Variants in ZSCAN18 observed in about 807,000 individuals in gnomAD.
ZSCAN18 encodes the protein zinc finger and SCAN domain-containing protein 18.
In ZSCAN18, 16 loss-of-function variants were observed where a neutral mutation model predicts 31.1. That is an observed-to-expected ratio of 0.51 (90% confidence interval 0.35 to 0.78). The LOEUF (loss-of-function observed/expected upper bound fraction) is 0.78, where lower values mean the gene tolerates loss of function less well. Ranked by LOEUF, ZSCAN18 falls within the 30% of genes least tolerant of loss-of-function variation. ZSCAN18 has a pLI of 0.01. For synonymous variants in ZSCAN18, 375 were observed against 320.7 expected (o/e 1.17, Z -1.81); for missense variants, 731 against 697.4 (o/e 1.05, Z -0.54).
At chr19:58,115,316 A>G (rs2074720996) in intron 1 of ZSCAN18, among the ~76,000 whole-genome samples, 3 of 152,372 alleles carry the variant, frequency 2.0e-5, no homozygotes, top group African/African-American at 7.2e-5. Context: ...CAGGGAGCTT[A>G]CTATTTAAAT....
chr19:58,098,440 G>C (rs2074563802), upstream of ZSCAN18: 1 of 933,792 alleles, frequency 1.1e-6, no homozygotes, highest in Non-Finnish European at 1.3e-6. Context: ...GTAAACAAGC[G>C]GGTAAATAAT....
upstream of ZSCAN18, among the ~76,000 whole-genome samples, chr19:58,102,573 GAC>G (rs887853258): frequency 1.3e-5 from 2 of 152,192 alleles, no homozygotes; most frequent in African/African-American, 4.8e-5. Context: ...AATTATGGCT[GAC>G]ACAGGCTATA....
intron 1 of ZSCAN18, among the ~76,000 whole-genome samples, chr19:58,114,408 T>C (rs184215867): frequency 6.7e-6 from 1 of 149,702 alleles, no homozygotes; most frequent in African/African-American, 2.4e-5. Flanking sequence ...CAAAAGAATG[T>C]CTTTATTCTT....
chr19:58,086,345 C>T lies in ZSCAN18; in HGVS notation c.746-79G>A, dbSNP rs530739773. 25 of 1,345,474 alleles carry T rather than the reference C, an allele frequency of 1.9e-5. 1 individual carries two copies. Among genetic ancestry groups the T allele is most frequent in the Admixed American group, 7.3e-5 (4 of 54,762 alleles). 83.3% of individuals were successfully genotyped at this position (1,345,474 alleles called of 1,614,324 possible). ...TGGGTGTTGTGTGTCGTGGGCCAGC[C>T]AGGGCAGGCTGCAGCCCACCTCCTC... On this transcript the variant is annotated intron_variant, in intron 5 of 6. Coordinates refer to ENST00000601144, the MANE Select transcript of ZSCAN18 (RefSeq NM_001145543.2).
chr19:58,101,185 C>T (rs1015048438), upstream of ZSCAN18, among the ~76,000 whole-genome samples: 2 of 147,212 alleles, frequency 1.4e-5, no homozygotes, highest in African/African-American at 2.6e-5. Context: ...CAGGCTGGAG[C>T]GCAGTGGCGC....
intron 3 of ZSCAN18, 62 bp from the exon 4 acceptor site, chr19:58,087,466 G>T: frequency 6.8e-7 from 1 of 1,480,566 alleles, no homozygotes; most frequent in Non-Finnish European, 9.2e-7. Flanking sequence ...GCCCTCAAGG[G>T]TCAAGGAGCC....
At chr19:58,098,486 AC>A (rs2074564556), upstream of ZSCAN18, 1 of 615,376 alleles carries the variant, frequency 1.6e-6, no homozygotes. Context: ...AGAAACAAAG[AC>A]GGTGAGAAAC....
Position 58,088,817 on chromosome 19 carries a change from C to T in ZSCAN18, c.424G>A (p.Ala142Thr). Reference protein sequence around the residue: ...EEPGMLLGSPAGSSSILSDGV... With the variant: ...EEPGMLLGSPTGSSSILSDGV... ...TCGCTAAGAATTGAGGATGAGCCCG[C>T]AGGGGAGCCCAGCAGCATCCCTGTC... The change falls in exon 3 of 7, where the codon GCG (alanine) becomes ACG (threonine). Residue 142 changes from alanine to threonine, a missense_variant. Physicochemically the swap from Ala to Thr is moderately conservative, Grantham distance 58 (BLOSUM62 0). This residue lies in a region of ZSCAN18 where 46 missense variants were observed against 60.6 expected (regional missense o/e 0.76). Transcript: ENST00000601144. 1 of 1,612,410 alleles carries T rather than the reference C, an allele frequency of 6.2e-7. No individual in the cohort carries two copies. Among genetic ancestry groups the T allele is most frequent in the Non-Finnish European group, 8.5e-7 (1 of 1,179,440 alleles).
intron 2 of ZSCAN18, among the ~76,000 whole-genome samples, chr19:58,089,065 AGGCCGAGGCGGGC>A (rs1176328038): frequency 6.6e-6 from 1 of 152,028 alleles, no homozygotes; most frequent in African/African-American, 2.4e-5. Flanking sequence ...GCACTTTGGG[AGGCCGAGGCGGGC>A]GGATCACGAG....
upstream of ZSCAN18, among the ~76,000 whole-genome samples, chr19:58,099,285 G>A (rs2074572478): frequency 6.6e-6 from 1 of 152,002 alleles, no homozygotes; most frequent in Admixed American, 6.6e-5. Context: ...ATAACCCCAG[G>A]AACAGCTAAT....
upstream of ZSCAN18, chr19:58,098,233 G>C: frequency 2.0e-6 from 2 of 985,496 alleles, no homozygotes; most frequent in Non-Finnish European, 2.4e-6. Context: ...CGCGATGGCG[G>C]CCGGCAAACT....
At chr19:58,117,478 C>T (rs978445693) in intron 1 of ZSCAN18, among the ~76,000 whole-genome samples, 5 of 151,996 alleles carry the variant, frequency 3.3e-5, no homozygotes, top group African/African-American at 4.8e-5. Context: ...ACACACAACC[C>T]TAAAGGGGCA....
In ZSCAN18 at chr19:58,085,352, C is replaced by T. The variant is rs1436665169; in HGVS notation, c.866G>A (p.Gly289Glu). 3.1e-6 allele frequency: 5 copies of T among 1,591,948 alleles called. No homozygotes were observed. Among genetic ancestry groups the T allele is most frequent in the Non-Finnish European group, 4.2e-6 (5 of 1,177,376 alleles). ...GGGGGCGGCCTCCTCGCAGGCGCAC[C>T]CAGCGCTCTCCTGCCGCCTCCCGCC... ...PEGGRRQESAGCACEEAAPAG... is the reference protein window; with the variant it reads ...PEGGRRQESAECACEEAAPAG... The change falls in exon 7 of 7, where the codon GGG (glycine) becomes GAG (glutamate). Residue 289 changes from glycine to glutamate, a missense_variant. Physicochemically the swap from Gly to Glu is moderately conservative, Grantham distance 98. Around this residue, in one of 4 missense-constraint regions of ZSCAN18, gnomAD observed 597 missense variants for 499.5 expected, o/e 1.20. Coordinates refer to ENST00000601144, the MANE Select transcript of ZSCAN18 (RefSeq NM_001145543.2).
chr19:58,117,108 C>G (rs920186093), intron 1 of ZSCAN18, among the ~76,000 whole-genome samples: 1 of 152,196 alleles, frequency 6.6e-6, no homozygotes, highest in African/African-American at 2.4e-5. Context: ...AAACGCCCAG[C>G]TAACTGAATT....
chr19:58,088,395 A>C (rs930966893), intron 3 of ZSCAN18: 5 of 333,842 alleles, frequency 1.5e-5, no homozygotes, highest in African/African-American at 8.2e-5. Flanking sequence ...AGGACACTTG[A>C]GACCCTTTAT....
Position 58,088,842 on chromosome 19 carries a change from C to T in ZSCAN18, c.404-5G>A, listed in dbSNP as rs765463904. 27 of 1,609,096 alleles carry T rather than the reference C, an allele frequency of 1.7e-5. No individual in the cohort carries two copies. The highest frequency in any genetic ancestry group is 2.2e-5 in the Non-Finnish European group (26 of 1,177,464). On this transcript the variant is annotated splice_polypyrimidine_tract_variant and splice_region_variant and intron_variant, in intron 2 of 6. Transcript: ENST00000601144. ...CAGGGGAGCCCAGCAGCATCCCTGT[C>T]AACAGTGGAGGGACCTGTGACCCCA...
Position 58,106,454 on chromosome 19 carries a change from G to A in ZSCAN18, c.130+11813C>T, listed in dbSNP as rs796406324. Among the ~76,000 whole-genome samples, 8 of 10,546 alleles carry A rather than the reference G, an allele frequency of 7.6e-4. 3 individuals are homozygous for A. The highest frequency in any genetic ancestry group is 1.4e-3 in the African/African-American group (8 of 5,756). The allele number at this position is 10,546 out of a possible 152,430, so 6.9% of individuals were successfully genotyped here. ...GCGGTGGCTCACGCCTGTAATCCCA[G>A]CACTTTGGGAGGCCGAGGCGGGCGG... On this transcript the variant is annotated intron_variant, in intron 1 of 1. Transcript: ENST00000595721.
intron 5 of ZSCAN18, chr19:58,086,552 AAGG>A: frequency 4.4e-6 from 2 of 458,620 alleles, no homozygotes; most frequent in South Asian, 3.7e-5. Flanking sequence ...GCCTCCCTAA[AAGG>A]AGGGTTTCTG....
In ZSCAN18 at chr19:58,085,711, A is replaced by G. The variant is rs1347151410; in HGVS notation, c.839-332T>C. 7.3e-6 allele frequency: 3 copies of G among 409,130 alleles called. No individual in the cohort carries two copies. The Admixed American group carries it at 1.3e-4, about 17-fold the overall frequency. 25.3% of individuals were successfully genotyped at this position (409,130 alleles called of 1,614,324 possible). Reference sequence around the variant, plus strand: ...AGCTTGGCCACAAGATGCACGATGCAAGGAGAGCCTGCTCAGAGCGCACCC... The same window carrying G: ...AGCTTGGCCACAAGATGCACGATGCGAGGAGAGCCTGCTCAGAGCGCACCC... On this transcript the variant is annotated intron_variant, in intron 6 of 6. Transcript: ENST00000601144.
Sources: gnomAD v4.1 joint callset for allele counts (sites outside exome capture counted in the v4.1 genomes callset) on GRCh38, gnomAD v4.1.1 for gene constraint, gnomAD v4.1.1 regional missense constraint, MANE v1.5 for transcripts, NCBI Gene and HGNC (gene_info 2026-07-23, HGNC 2026-07-21) for gene names.